Variants in MLLT10 observed in about 807,000 individuals in gnomAD.
MLLT10 encodes the protein protein AF-10.
Under a neutral mutation model 129.1 loss-of-function variants are expected in MLLT10, and 30 were observed. The observed-to-expected ratio is 0.23, with a 90% CI of 0.17 to 0.32. The LOEUF is 0.32. MLLT10 is among the 10% of genes least tolerant of loss of function. The pLI is 1.00. For missense variants in MLLT10, 1,119 were observed against 1,268.3 expected (o/e 0.88, Z 1.79); for synonymous variants, 490 against 446.4 (o/e 1.10, Z -1.23).
chr10:21,621,159 A>AT (rs1180864625), intron 8 of MLLT10, among the ~76,000 whole-genome samples: 1,118 of 81,894 alleles, frequency 0.014, 11 homozygotes, highest in Middle Eastern at 0.035. Context: ...AATTTTTTGT[A>AT]TTTTTTTTTT....
intron 3 of MLLT10, among the ~76,000 whole-genome samples, chr10:21,553,716 C>A (rs1372155550): frequency 6.7e-6 from 1 of 150,218 alleles, no homozygotes; most frequent in Admixed American, 6.7e-5. Context: ...GTGACGTGAT[C>A]TTGGCTCACT....
chr10:21,536,053 C>G (rs1054632860), intron 2 of MLLT10, among the ~76,000 whole-genome samples: 3 of 152,342 alleles, frequency 2.0e-5, no homozygotes, highest in African/African-American at 7.2e-5. Flanking sequence ...ATTGATTCTC[C>G]TGCCTCAGCT....
At chr10:21,729,873 A>T (rs1049316716) in intron 16 of MLLT10, among the ~76,000 whole-genome samples, 4 of 152,210 alleles carry the variant, frequency 2.6e-5, no homozygotes, top group Non-Finnish European at 5.9e-5. Context: ...AGAACATTAC[A>T]TGTTCATCTT....
chr10:21,543,968 T>G (rs947572766), intron 3 of MLLT10, among the ~76,000 whole-genome samples: 1 of 152,230 alleles, frequency 6.6e-6, no homozygotes, highest in Non-Finnish European at 1.5e-5. Context: ...ATTCTTTTCT[T>G]TCTGCCGACT....
rs117123076 is a variant in MLLT10, at chr10:21,549,282, C to T, written c.240+10370C>T. ...GGGATTATAGGCATGTGCCACCACT[C>T]CTGGCGAATTTTTTGTATTTTTAGT... On this transcript the variant is annotated intron_variant, in intron 3 of 22. Coordinates refer to ENST00000307729, the MANE Select transcript of MLLT10 (RefSeq NM_001195626.3). Among the ~76,000 whole-genome samples the T allele has an allele frequency of 5.6e-3, 848 of 152,238 alleles. 3 individuals are homozygous for T. Among genetic ancestry groups the T allele is most frequent in the Non-Finnish European group, 9.0e-3 (612 of 68,026 alleles).
intron 3 of MLLT10, among the ~76,000 whole-genome samples, chr10:21,565,270 T>C (rs1470843751): frequency 6.6e-6 from 1 of 152,134 alleles, no homozygotes; most frequent in Non-Finnish European, 1.5e-5. Flanking sequence ...TTGAAGTAAA[T>C]TTCTTGTACA....
intron 3 of MLLT10, among the ~76,000 whole-genome samples, chr10:21,582,839 A>C (rs1009702562): frequency 1.3e-5 from 2 of 152,210 alleles, no homozygotes; most frequent in Admixed American, 6.5e-5. Flanking sequence ...TGAAAAGAGC[A>C]GGAAGAGCAG....
chr10:21,678,261 C>T (rs2052390537), intron 11 of MLLT10, among the ~76,000 whole-genome samples: 1 of 151,994 alleles, frequency 6.6e-6, no homozygotes, highest in Non-Finnish European at 1.5e-5. Context: ...CGCGCCACCA[C>T]ACTCAGCTAA....
At chr10:21,632,624 T>C (rs2047103854) in intron 8 of MLLT10, among the ~76,000 whole-genome samples, 1 of 152,222 alleles carries the variant, frequency 6.6e-6, no homozygotes, top group Non-Finnish European at 1.5e-5. Context: ...ACAATCAATA[T>C]TGAACAGTTT....
intron 22 of MLLT10, 118 bp downstream of exon 22, chr10:21,740,354 T>C: frequency 1.8e-6 from 2 of 1,124,110 alleles, no homozygotes; most frequent in Admixed American, 2.4e-5. Flanking sequence ...ACCAGTTGCT[T>C]TTAGCAGATG....
intron 3 of MLLT10, among the ~76,000 whole-genome samples, chr10:21,558,105 A>T (rs1376891364): frequency 6.6e-6 from 1 of 151,588 alleles, no homozygotes; most frequent in African/African-American, 2.4e-5. Flanking sequence ...GCCTGCCACC[A>T]CGTCCAGCTA....
intron 13 of MLLT10, among the ~76,000 whole-genome samples, chr10:21,684,229 C>T (rs556746312): frequency 5.0e-4 from 76 of 152,108 alleles, no homozygotes; most frequent in African/African-American, 1.7e-3. Flanking sequence ...TTGATTAGTC[C>T]TTGATTGTTT....
At chr10:21,604,691 C>G (rs1278083815) in intron 5 of MLLT10, among the ~76,000 whole-genome samples, 1 of 152,070 alleles carries the variant, frequency 6.6e-6, no homozygotes, top group East Asian at 1.9e-4. Flanking sequence ...CATTCCCATT[C>G]CAAAAGAGAT....
At chr10:21,661,150 A>C (rs538277986) in intron 9 of MLLT10, among the ~76,000 whole-genome samples, 12 of 152,312 alleles carry the variant, frequency 7.9e-5, no homozygotes, top group Admixed American at 7.2e-4. Context: ...GTGGTCTGAG[A>C]GAGCAAGGCA....
At chr10:21,740,281 T>C (rs1431976385) in intron 22 of MLLT10, 45 bp downstream of exon 22, 1 of 1,579,976 alleles carries the variant, frequency 6.3e-7, no homozygotes, top group Non-Finnish European at 8.7e-7. Context: ...AAGAACTGTA[T>C]TGATTAATCG....
chr10:21,684,373 C>A (rs938574497), intron 13 of MLLT10, among the ~76,000 whole-genome samples: 2 of 152,140 alleles, frequency 1.3e-5, no homozygotes, highest in African/African-American at 4.8e-5. Flanking sequence ...GACTTTTCTC[C>A]TGAGTTGCAG....
intron 8 of MLLT10, chr10:21,626,249 A>G (rs573879507): frequency 8.3e-6 from 13 of 1,559,388 alleles, no homozygotes; most frequent in East Asian, 2.2e-5. Context: ...GAGAGCATCA[A>G]TTGCTCTTTC....
At chr10:21,679,123 G>T (rs1392195854) in intron 11 of MLLT10, among the ~76,000 whole-genome samples, 2 of 152,166 alleles carry the variant, frequency 1.3e-5, no homozygotes, top group Admixed American at 1.3e-4. Context: ...TCTAAAATTT[G>T]TATTATGGAT....
chr10:21,681,416 C>G (rs746320552), intron 12 of MLLT10, 40 bp downstream of exon 12: 1 of 1,396,686 alleles, frequency 7.2e-7, no homozygotes. Flanking sequence ...GGCCTTTTGT[C>G]TCCTCTAGTG....
Sources: allele counts gnomAD v4.1 joint callset (sites outside exome capture counted in the v4.1 genomes callset), GRCh38; gene constraint gnomAD v4.1.1; transcripts MANE v1.5; gene names NCBI Gene and HGNC (gene_info 2026-07-23, HGNC 2026-07-21).